LCLAT1: variants seen among roughly 807,000 people sequenced by gnomAD.
The protein encoded by LCLAT1 is 1-AGP acyltransferase 8.
In LCLAT1, 11 loss-of-function variants were observed where a neutral mutation model predicts 30.7. That is an observed-to-expected ratio of 0.36 (90% confidence interval 0.23 to 0.59). LCLAT1 has a LOEUF of 0.59. Ranked by LOEUF, LCLAT1 falls within the 20% of genes least tolerant of loss-of-function variation. The pLI is 0.77. For missense variants in LCLAT1, 402 were observed against 458.6 expected, an observed-to-expected ratio of 0.88 and a Z score of 1.13; for synonymous variants, 155 against 151.3, an observed-to-expected ratio of 1.02 and a Z score of -0.18.
At chr2:30,578,315 A>G (rs543050254) in intron 5 of LCLAT1, among the ~76,000 whole-genome samples, 2 of 152,260 alleles carry the variant, frequency 1.3e-5, no homozygotes, top group South Asian at 2.1e-4. Context: ...AGAATTTTAA[A>G]TGGCCTTTAG....
chr2:30,582,759 G>A (rs565420857), intron 5 of LCLAT1, among the ~76,000 whole-genome samples: 60 of 152,248 alleles, frequency 3.9e-4, no homozygotes, highest in African/African-American at 1.1e-3. Context: ...GCCCTATAAC[G>A]TTTGGCTAGG....
intron 1 of LCLAT1, among the ~76,000 whole-genome samples, chr2:30,450,803 G>C (rs1028808096): frequency 1.3e-5 from 2 of 152,186 alleles, no homozygotes; most frequent in Non-Finnish European, 2.9e-5. Context: ...AATAGGCAGA[G>C]ATTCTTAAAA....
chr2:30,607,915 G>GT (rs934095621), intron 5 of LCLAT1: 7 of 156,036 alleles, frequency 4.5e-5, no homozygotes, highest in South Asian at 3.4e-4. Flanking sequence ...ATTTTTAACA[G>GT]TTTTTTTTAA....
At chr2:30,550,581 G>A (rs538925242) in intron 3 of LCLAT1, among the ~76,000 whole-genome samples, 2 of 152,286 alleles carry the variant, frequency 1.3e-5, no homozygotes, top group Non-Finnish European at 2.9e-5. Context: ...ATACTGTAGA[G>A]GTGGAGTACC....
At chr2:30,549,422 T>C (rs549225425) in intron 3 of LCLAT1, among the ~76,000 whole-genome samples, 1 of 152,354 alleles carries the variant, frequency 6.6e-6, no homozygotes, top group South Asian at 2.1e-4. Flanking sequence ...CTTAAATTAA[T>C]AATTACATTC....
chr2:30,459,593 A>G, intron 1 of LCLAT1: 1 of 1,551,814 alleles, frequency 6.4e-7, no homozygotes, highest in Non-Finnish European at 8.9e-7. Flanking sequence ...GAAGCTGGCA[A>G]CAAATGGATG....
At chr2:30,616,940 G>A (rs927666004) in intron 5 of LCLAT1, among the ~76,000 whole-genome samples, 3 of 151,988 alleles carry the variant, frequency 2.0e-5, no homozygotes, top group African/African-American at 7.3e-5. Context: ...CAGCCTTTTA[G>A]AAAGCTCTGT....
intron 5 of LCLAT1, among the ~76,000 whole-genome samples, chr2:30,619,631 G>A (rs1668151261): frequency 6.6e-6 from 1 of 152,164 alleles, no homozygotes; most frequent in East Asian, 1.9e-4. Flanking sequence ...GGTCAGGAAG[G>A]CCACTATTCA....
chr2:30,538,158 C>A (rs1002869777), intron 3 of LCLAT1, among the ~76,000 whole-genome samples: 1 of 152,026 alleles, frequency 6.6e-6, no homozygotes, highest in Non-Finnish European at 1.5e-5. Flanking sequence ...CCTAATACAC[C>A]TCTATGAACT....
At chr2:30,488,756 T>C (rs1041962795) in intron 1 of LCLAT1, among the ~76,000 whole-genome samples, 1 of 152,084 alleles carries the variant, frequency 6.6e-6, no homozygotes, top group Non-Finnish European at 1.5e-5. Flanking sequence ...GAGTGCAGAG[T>C]TGTGTAACAA....
chr2:30,633,025 A>T (rs1668842778), intron 5 of LCLAT1, among the ~76,000 whole-genome samples: 1 of 152,214 alleles, frequency 6.6e-6, no homozygotes, highest in Non-Finnish European at 1.5e-5. Flanking sequence ...TGGTATTTTT[A>T]GTCTAAATAT....
At chr2:30,497,215 C>T (rs780182321) in intron 1 of LCLAT1, among the ~76,000 whole-genome samples, 1 of 152,208 alleles carries the variant, frequency 6.6e-6, no homozygotes, top group Non-Finnish European at 1.5e-5. Flanking sequence ...AATACCAGCT[C>T]AAGTTCCTTT....
chr2:30,600,268 C>A (rs147126840), intron 5 of LCLAT1, among the ~76,000 whole-genome samples: 24 of 152,288 alleles, frequency 1.6e-4, no homozygotes, highest in African/African-American at 4.8e-4. Flanking sequence ...TCCTGAATGA[C>A]TCCTGGGTAA....
chr2:30,568,993 A>G (rs1223302427), intron 5 of LCLAT1, among the ~76,000 whole-genome samples: 2 of 152,144 alleles, frequency 1.3e-5, no homozygotes, highest in Non-Finnish European at 2.9e-5. Flanking sequence ...ACGATCTGAA[A>G]AATAATTTTA....
rs1398998184 is a variant in LCLAT1 at position 30,558,164 on chromosome 2, A to G, written c.365-3982A>G. On this transcript the variant is annotated intron_variant, in intron 3 of 5. Coordinates refer to ENST00000379509, the MANE Select transcript of LCLAT1 (RefSeq NM_001002257.3). ...ATATATTTATATTCTGTATATGTGT[A>G]TGTGTGTGTGTCTGTGTTTATACCT... 2.0e-5 allele frequency among the ~76,000 whole-genome samples: 3 copies of G among 152,158 alleles called. No individual in the cohort carries two copies. In the East Asian group the frequency reaches 5.8e-4, roughly 29 times the overall value.
intron 5 of LCLAT1, among the ~76,000 whole-genome samples, chr2:30,639,349 A>T (rs762179405): frequency 8.6e-5 from 13 of 150,482 alleles, no homozygotes; most frequent in Non-Finnish European, 1.6e-4. Flanking sequence ...GTCTTACTTG[A>T]CTGTCTATCT....
chr2:30,513,303 T>C lies in LCLAT1; in HGVS notation c.-4-12284T>C, dbSNP rs191534268. 2.6e-5 allele frequency among the ~76,000 whole-genome samples: 4 copies of C among 151,730 alleles called. No homozygotes were observed. The East Asian group carries it at 7.7e-4, about 29-fold the overall frequency. Reference sequence around the variant, plus strand: ...ACATTTAACTATATGTATTTAAATATATAAATATCAATAAATATATGTATA... The same window carrying C: ...ACATTTAACTATATGTATTTAAATACATAAATATCAATAAATATATGTATA... On this transcript the variant is annotated intron_variant, in intron 1 of 5. Coordinates refer to ENST00000379509, the MANE Select transcript of LCLAT1 (RefSeq NM_001002257.3).
intron 5 of LCLAT1, among the ~76,000 whole-genome samples, chr2:30,592,321 T>C (rs1666732685): frequency 1.3e-5 from 2 of 152,040 alleles, no homozygotes; most frequent in South Asian, 4.1e-4. Flanking sequence ...TCTCTACAAA[T>C]AATAAAATAT....
intron 5 of LCLAT1, among the ~76,000 whole-genome samples, chr2:30,633,645 A>C (rs1303324122): frequency 6.6e-6 from 1 of 152,232 alleles, no homozygotes; most frequent in Non-Finnish European, 1.5e-5. Flanking sequence ...AGGTCACGCC[A>C]CTGCACTCCA....
Sources: gnomAD v4.1 joint callset for allele counts (sites outside exome capture counted in the v4.1 genomes callset) on GRCh38, gnomAD v4.1.1 for gene constraint, MANE v1.5 for transcripts, NCBI Gene and HGNC (gene_info 2026-07-23, HGNC 2026-07-21) for gene names.